The following TLL2 variants were observed in gnomAD, a reference collection of about 807,000 sequenced individuals.
The protein encoded by TLL2 is tolloid like 2, also known as tolloid-like protein 2.
Under a neutral mutation model 123.0 loss-of-function variants are expected in TLL2, and 106 were observed. The observed-to-expected ratio is 0.86, with a 90% CI of 0.74 to 1.01. The LOEUF is 1.01. TLL2 is among the 50% of genes least tolerant of loss of function. The probability of loss-of-function intolerance (pLI) is 0.00; values close to 1 mark genes in which losing one functional copy is unlikely to be tolerated. For synonymous variants in TLL2, 494 were observed against 516.8 expected, an observed-to-expected ratio of 0.96 and a Z score of 0.60; for missense variants, 1,332 against 1,336.7, an observed-to-expected ratio of 1.00 and a Z score of 0.06.
At position 96,481,799 on chromosome 10, in the gene TLL2, A is replaced by G. The variant is rs200207893; in HGVS notation, c.176-1340T>C. 1.1e-4 allele frequency among the ~76,000 whole-genome samples: 17 copies of G among 152,358 alleles called. No individual in the cohort carries two copies. The East Asian group carries it at 2.9e-3, about 26-fold the overall frequency. On this transcript the variant is annotated intron_variant, in intron 1 of 20. Transcript: ENST00000357947. ...ATGACAATTTTTATAAGAATGACAAAGAATAGAGAGTCCAAAACTTCAGGG... is the reference window on the plus strand; with the variant it reads ...ATGACAATTTTTATAAGAATGACAAGGAATAGAGAGTCCAAAACTTCAGGG...
At chr10:96,476,240 A>ATATATTTTTTTTTTTTTT in intron 2 of TLL2, among the ~76,000 whole-genome samples, 1 of 20,496 alleles carries the variant, frequency 4.9e-5, no homozygotes. Flanking sequence ...ATATATATAT[A>ATATATTTTTTTTTTTTTT]TTTTATTTTT....
intron 2 of TLL2, among the ~76,000 whole-genome samples, chr10:96,449,895 GC>G (rs1231388157): frequency 6.6e-6 from 1 of 151,864 alleles, no homozygotes; most frequent in Non-Finnish European, 1.5e-5. Context: ...CTGAGTATCC[GC>G]CCCCCTGCTC....
intron 1 of TLL2, among the ~76,000 whole-genome samples, chr10:96,495,139 T>A (rs948559365): frequency 1.1e-4 from 17 of 152,162 alleles, no homozygotes; most frequent in Non-Finnish European, 2.4e-4. Flanking sequence ...TTCATAGATG[T>A]TCCATAAGAT....
At chr10:96,484,574 A>T (rs975618929) in intron 1 of TLL2, among the ~76,000 whole-genome samples, 17 of 144,580 alleles carry the variant, frequency 1.2e-4, no homozygotes, top group Non-Finnish European at 9.0e-5. Flanking sequence ...ATTAAATGAG[A>T]TCATGTACAC....
At chr10:96,496,925 G>A (rs536797302) in intron 1 of TLL2, among the ~76,000 whole-genome samples, 152 of 152,190 alleles carry the variant, frequency 1.0e-3, no homozygotes, top group Non-Finnish European at 1.8e-3. Flanking sequence ...TTAGCAGGAG[G>A]TGTGGAGTGG....
At chr10:96,408,073 C>T (rs1463661380) in intron 9 of TLL2, among the ~76,000 whole-genome samples, 1 of 152,246 alleles carries the variant, frequency 6.6e-6, no homozygotes, top group East Asian at 1.9e-4. Context: ...AGTCTTAAGA[C>T]AGGGGTGTGC....
At chr10:96,444,917 C>T (rs139200989) in intron 3 of TLL2, among the ~76,000 whole-genome samples, 2,109 of 152,260 alleles carry the variant, frequency 0.014, 47 homozygotes, top group African/African-American at 0.047. Flanking sequence ...TGGCCAGGTG[C>T]GGTGGCTCAC....
At chr10:96,430,453 C>T (rs973722005) in intron 4 of TLL2, among the ~76,000 whole-genome samples, 2 of 152,208 alleles carry the variant, frequency 1.3e-5, no homozygotes, top group Non-Finnish European at 2.9e-5. Flanking sequence ...TTAGAAACTA[C>T]CCAGCCTCAG....
Position 96,387,020 on chromosome 10 carries a change from C to T in TLL2, c.1785G>A (p.Thr595=), listed in dbSNP as rs755603342. Reference sequence around the variant, plus strand: ...CACAGGCACACTTGTAGCTGCCCAGCGTGTTCACACAGCGATGCTCGCACC... The same window carrying T: ...CACAGGCACACTTGTAGCTGCCCAGTGTGTTCACACAGCGATGCTCGCACC... ...HGGCEHRCVN[T]LGSYKCACDP... is the part of the protein sequence containing the mutation. The change falls in exon 14 of 21, where the codon ACG becomes ACA. Residue 595 remains threonine, a synonymous_variant. Transcript: ENST00000357947. 1.4e-5 allele frequency: 23 copies of T among 1,613,942 alleles called. No individual in the cohort carries two copies. Among genetic ancestry groups the T allele is most frequent in the East Asian group, 4.5e-5 (2 of 44,894 alleles).
chr10:96,458,032 A>T (rs1847034177), intron 2 of TLL2, among the ~76,000 whole-genome samples: 1 of 150,994 alleles, frequency 6.6e-6, no homozygotes, highest in Non-Finnish European at 1.5e-5. Flanking sequence ...GGCCTATAAG[A>T]GGTGGTGGCT....
At chr10:96,418,174 T>C (rs529007433) in intron 7 of TLL2, among the ~76,000 whole-genome samples, 162 of 152,018 alleles carry the variant, frequency 1.1e-3, no homozygotes, top group Non-Finnish European at 2.0e-3. Flanking sequence ...GGTTATCCCC[T>C]GAGGGACAAA....
At chr10:96,373,527 GCCTTCA>G in intron 19 of TLL2, 63 bp downstream of exon 19, 1 of 1,455,252 alleles carries the variant, frequency 6.9e-7, no homozygotes. Context: ...TCCTTGTCGT[GCCTTCA>G]CCATTTCTCT....
At chr10:96,507,517 CAA>C (rs962986673) in intron 1 of TLL2, among the ~76,000 whole-genome samples, 1 of 152,004 alleles carries the variant, frequency 6.6e-6, no homozygotes, top group Non-Finnish European at 1.5e-5. Context: ...AGCATTTCAA[CAA>C]AAGAGTTCAA....
chr10:96,478,183 T>C (rs962021955), intron 2 of TLL2, among the ~76,000 whole-genome samples: 1 of 152,162 alleles, frequency 6.6e-6, no homozygotes, highest in African/African-American at 2.4e-5. Context: ...CTGCCCTGCC[T>C]CTCTTTGGGG....
chr10:96,477,372 C>CA (rs1847269845), intron 2 of TLL2, among the ~76,000 whole-genome samples: 1 of 145,944 alleles, frequency 6.9e-6, no homozygotes, highest in African/African-American at 2.6e-5. Context: ...TTTTTTGAGA[C>CA]AGAGTCTTGC....
chr10:96,443,026 A>T (rs1156721912), intron 3 of TLL2, among the ~76,000 whole-genome samples: 1 of 152,174 alleles, frequency 6.6e-6, no homozygotes, highest in Non-Finnish European at 1.5e-5. Context: ...TGGGATTCAA[A>T]CCCAAGTGTG....
intron 20 of TLL2, among the ~76,000 whole-genome samples, 194 bp downstream of exon 20, chr10:96,369,871 G>C (rs775916019): frequency 1.3e-5 from 2 of 152,078 alleles, no homozygotes; most frequent in Non-Finnish European, 2.9e-5. Context: ...TTCAAGGACT[G>C]GTCCCTGGCT....
At chr10:96,395,832 A>G in intron 12 of TLL2, 43 bp downstream of exon 12, 1 of 1,606,910 alleles carries the variant, frequency 6.2e-7, no homozygotes, top group Non-Finnish European at 8.5e-7. Context: ...ATGTCTAGCA[A>G]AAGTTGCCGT....
intron 3 of TLL2, among the ~76,000 whole-genome samples, chr10:96,435,717 A>G (rs189283114): frequency 1.1e-4 from 17 of 152,204 alleles, no homozygotes; most frequent in Non-Finnish European, 2.2e-4. Flanking sequence ...AGAAAAGACT[A>G]GTTTTTCTCC....
Sources: allele counts gnomAD v4.1 joint callset (sites outside exome capture counted in the v4.1 genomes callset), GRCh38; gene constraint gnomAD v4.1.1; transcripts MANE v1.5; gene names NCBI Gene and HGNC (gene_info 2026-07-23, HGNC 2026-07-21).